The following CELF4 variants were observed in gnomAD, a reference collection of about 807,000 sequenced individuals.
The protein encoded by CELF4 is CUG-BP- and ETR-3-like factor 4.
In CELF4, 18 loss-of-function variants were observed where a neutral mutation model predicts 59.9. The ratio of observed to expected loss-of-function variants is 0.30; its 90% CI spans 0.21 to 0.45. CELF4 has a LOEUF of 0.45. CELF4 is among the 20% of genes least tolerant of loss of function. The pLI, the probability that CELF4 is intolerant of heterozygous loss-of-function variation, is 1.00. For synonymous variants in CELF4, 261 were observed against 267.1 expected (o/e 0.98, Z 0.22); for missense variants, 456 against 689.0 (o/e 0.66, Z 3.79).
Position 37,264,747 on chromosome 18 carries a change from G to A in CELF4, c.1176C>T (p.Tyr392=), listed in dbSNP as rs1326332944. ...GVQQYAGPAA[Y]PAAYGQISQA... ...GGCTTATCTGACCATAGGCAGCAGG[G>A]TAGGCAGCTGCTGGAGGCCCAAGAC... The change falls in exon 10 of 13, where the codon TAC becomes TAT. Residue 392 remains tyrosine, a synonymous_variant. Coordinates refer to ENST00000420428, the MANE Select transcript of CELF4 (RefSeq NM_020180.4). The A allele has an allele frequency of 6.4e-7, 1 of 1,573,166 alleles. No homozygotes were observed. Among genetic ancestry groups the A allele is most frequent in the South Asian group, 1.2e-5 (1 of 85,664 alleles).
At chr18:37,414,503 CT>C (rs55943928) in intron 2 of CELF4, among the ~76,000 whole-genome samples, 12 of 116,056 alleles carry the variant, frequency 1.0e-4, no homozygotes, top group African/African-American at 3.3e-4. Flanking sequence ...CTTTTCTTTT[CT>C]TTTTTTTTTT....
chr18:37,356,342 G>A (rs894841539), intron 2 of CELF4, among the ~76,000 whole-genome samples: 1 of 152,208 alleles, frequency 6.6e-6, no homozygotes, highest in Non-Finnish European at 1.5e-5. Flanking sequence ...AGTAATTGAA[G>A]GGAGAGTGAC....
At chr18:37,371,811 C>T (rs1175686703) in intron 2 of CELF4, among the ~76,000 whole-genome samples, 2 of 152,320 alleles carry the variant, frequency 1.3e-5, no homozygotes, top group South Asian at 2.1e-4. Flanking sequence ...TCAAGGGTGA[C>T]TGAGGCTTAT....
chr18:37,434,860 C>A (rs1305744897), intron 2 of CELF4, among the ~76,000 whole-genome samples: 1 of 152,192 alleles, frequency 6.6e-6, no homozygotes, highest in Admixed American at 6.5e-5. Flanking sequence ...CCCTCAAACA[C>A]CTTCCTCCTG....
intron 2 of CELF4, among the ~76,000 whole-genome samples, chr18:37,402,030 T>TG (rs1220149456): frequency 6.6e-6 from 1 of 152,208 alleles, no homozygotes; most frequent in African/African-American, 2.4e-5. Flanking sequence ...ATCAGTTTGC[T>TG]GGGGAGTTGG....
chr18:37,515,544 C>CT (rs2099949712), intron 1 of CELF4, among the ~76,000 whole-genome samples: 1 of 152,220 alleles, frequency 6.6e-6, no homozygotes. Context: ...GCTTTCTTAA[C>CT]TAGCGGAGGT....
At chr18:37,303,933 T>C (rs73425278) in intron 3 of CELF4, among the ~76,000 whole-genome samples, 5,556 of 152,226 alleles carry the variant, frequency 0.036, 318 homozygotes, top group African/African-American at 0.13. Flanking sequence ...GGTAGCATCA[T>C]AGGAGAAGGC....
intron 2 of CELF4, among the ~76,000 whole-genome samples, chr18:37,378,748 A>T (rs1272470627): frequency 6.6e-6 from 1 of 152,196 alleles, no homozygotes; most frequent in Non-Finnish European, 1.5e-5. Context: ...CTCATGTGCA[A>T]CCAGAGTGGG....
At chr18:37,431,380 T>C (rs1314643542) in intron 2 of CELF4, among the ~76,000 whole-genome samples, 1 of 143,698 alleles carries the variant, frequency 7.0e-6, no homozygotes. Flanking sequence ...TTTTTTTTTT[T>C]TTTTTGAGAT....
chr18:37,510,526 T>G (rs1216196111), intron 1 of CELF4, among the ~76,000 whole-genome samples: 3 of 152,178 alleles, frequency 2.0e-5, no homozygotes, highest in Non-Finnish European at 4.4e-5. Context: ...GTGCAATCCG[T>G]CTCTGCTCTC....
intron 2 of CELF4, among the ~76,000 whole-genome samples, chr18:37,418,655 C>G (rs2099548472): frequency 6.6e-6 from 1 of 152,248 alleles, no homozygotes; most frequent in Non-Finnish European, 1.5e-5. Context: ...ACATTTTCCT[C>G]ATTTCCAAAA....
At chr18:37,474,211 C>T (rs1391439701) in intron 2 of CELF4, among the ~76,000 whole-genome samples, 1 of 152,210 alleles carries the variant, frequency 6.6e-6, no homozygotes, top group Non-Finnish European at 1.5e-5. Context: ...AGGGTGGCCA[C>T]TTAGAAATTA....
chr18:37,285,756 C>T (rs2094681315), intron 3 of CELF4, among the ~76,000 whole-genome samples: 1 of 152,216 alleles, frequency 6.6e-6, no homozygotes, highest in East Asian at 1.9e-4. Context: ...TGGGACACCA[C>T]AGTGGCTCTA....
Position 37,259,275 on chromosome 18 carries a change from G to T in CELF4, c.1250-11C>A. The T allele has an allele frequency of 8.6e-7, 1 of 1,168,844 alleles. No individual in the cohort carries two copies. Among genetic ancestry groups the T allele is most frequent in the South Asian group, 1.3e-5 (1 of 79,822 alleles). 72.4% of individuals were successfully genotyped at this position (1,168,844 alleles called of 1,614,324 possible). On this transcript the variant is annotated splice_polypyrimidine_tract_variant and intron_variant, in intron 10 of 12. Coordinates refer to ENST00000420428, the MANE Select transcript of CELF4 (RefSeq NM_020180.4). ...TACAGCCCTCGGGCCCTGCGGTGAG[G>T]GGAGGGGGTGGGCGGGGGAGGAGGG...
intron 11 of CELF4, among the ~76,000 whole-genome samples, chr18:37,258,040 T>G (rs1474169927): frequency 1.3e-5 from 2 of 152,232 alleles, no homozygotes; most frequent in Non-Finnish European, 2.9e-5. Context: ...TACTTTTTAC[T>G]GTAAGTACAT....
At chr18:37,361,900 G>A (rs536510731) in intron 2 of CELF4, among the ~76,000 whole-genome samples, 2 of 152,136 alleles carry the variant, frequency 1.3e-5, no homozygotes, top group African/African-American at 2.4e-5. Flanking sequence ...TGAGAGCACC[G>A]GGAAGAGAAA....
chr18:37,468,039 T>C (rs2099813036), intron 2 of CELF4, among the ~76,000 whole-genome samples: 1 of 152,248 alleles, frequency 6.6e-6, no homozygotes, highest in Non-Finnish European at 1.5e-5. Flanking sequence ...TGTGCGCAAG[T>C]ACATCTTGCA....
intron 1 of CELF4, among the ~76,000 whole-genome samples, chr18:37,499,390 G>A (rs546475550): frequency 6.6e-6 from 1 of 152,188 alleles, no homozygotes; most frequent in South Asian, 2.1e-4. Context: ...GGGGAGGGCT[G>A]GAGAGAGGAA....
intron 2 of CELF4, among the ~76,000 whole-genome samples, chr18:37,381,108 C>T (rs1052015709): frequency 7.1e-6 from 1 of 140,264 alleles, no homozygotes; most frequent in Non-Finnish European, 1.6e-5. Context: ...AGCCATCCAC[C>T]ATCATCCATC....
Sources: allele counts gnomAD v4.1 joint callset (sites outside exome capture counted in the v4.1 genomes callset), GRCh38; gene constraint gnomAD v4.1.1; transcripts MANE v1.5; gene names NCBI Gene and HGNC (gene_info 2026-07-23, HGNC 2026-07-21).